The following TAFA1 variants were observed in gnomAD, a reference collection of about 807,000 sequenced individuals.
TAFA1 encodes the protein TAFA chemokine like family member 1, also known as chemokine-like protein TAFA-1.
Under a neutral mutation model 18.5 loss-of-function variants are expected in TAFA1, and 4 were observed. The observed-to-expected ratio is 0.22, with a 90% CI of 0.11 to 0.49. The LOEUF is 0.49. Ranked by LOEUF, TAFA1 falls within the 20% of genes least tolerant of loss-of-function variation. TAFA1 has a pLI of 0.98. For synonymous variants in TAFA1, 56 were observed against 55.2 expected, an observed-to-expected ratio of 1.01 and a Z score of -0.06; for missense variants, 147 against 169.0, an observed-to-expected ratio of 0.87 and a Z score of 0.72.
At chr3:68,353,575 A>T (rs1388477397) in intron 2 of TAFA1, among the ~76,000 whole-genome samples, 3 of 152,154 alleles carry the variant, frequency 2.0e-5, no homozygotes, top group African/African-American at 4.8e-5. Flanking sequence ...TTTGCTATAT[A>T]ATCTGGCTGT....
At position 68,227,155 on chromosome 3, in the gene TAFA1, G is replaced by T. The variant is rs563553470; in HGVS notation, c.119-190125G>T. 2.1e-4 allele frequency among the ~76,000 whole-genome samples: 31 copies of T among 150,166 alleles called. No homozygotes were observed. In the South Asian group the frequency reaches 2.1e-3, roughly 10 times the overall value. ...CATCTCAAAATGTCTGTTTTTTTTTGTTTTTTAACACAAGGCAAATATTTC... is the reference window on the plus strand; with the variant it reads ...CATCTCAAAATGTCTGTTTTTTTTTTTTTTTTAACACAAGGCAAATATTTC... On this transcript the variant is annotated intron_variant, in intron 2 of 4. Coordinates refer to ENST00000478136, the MANE Select transcript of TAFA1 (RefSeq NM_213609.4).
At chr3:68,469,529 T>A (rs2071955929) in intron 3 of TAFA1, among the ~76,000 whole-genome samples, 2 of 152,076 alleles carry the variant, frequency 1.3e-5, no homozygotes, top group South Asian at 4.2e-4. Context: ...AAAAATTAGC[T>A]GGGCGTGGTG....
intron 2 of TAFA1, among the ~76,000 whole-genome samples, chr3:68,020,185 T>C (rs1386712033): frequency 6.6e-6 from 1 of 152,226 alleles, no homozygotes; most frequent in African/African-American, 2.4e-5. Context: ...CCACGTAGCA[T>C]CTACTTACAT....
At chr3:68,112,045 A>T (rs1023484524) in intron 2 of TAFA1, among the ~76,000 whole-genome samples, 9 of 152,074 alleles carry the variant, frequency 5.9e-5, no homozygotes, top group Non-Finnish European at 1.5e-5. Flanking sequence ...TGTCCATTGC[A>T]TCTTGGTATC....
intron 2 of TAFA1, among the ~76,000 whole-genome samples, chr3:68,060,066 A>G (rs2064582397): frequency 6.6e-6 from 1 of 151,472 alleles, no homozygotes; most frequent in African/African-American, 2.4e-5. Flanking sequence ...AGGCTTACTG[A>G]AGGAAAAAAA....
chr3:68,172,331 C>A (rs62248262), intron 2 of TAFA1, among the ~76,000 whole-genome samples: 1 of 152,080 alleles, frequency 6.6e-6, no homozygotes, highest in Non-Finnish European at 1.5e-5. Flanking sequence ...AAAGGCAAAT[C>A]AAAACCACAC....
the TAFA1 span, among the ~76,000 whole-genome samples, chr3:67,993,654 C>T: frequency 6.6e-6 from 1 of 152,198 alleles, no homozygotes; most frequent in African/African-American, 2.4e-5. Context: ...AAGGGCTTTA[C>T]TGGCTGCCAT....
intron 2 of TAFA1, among the ~76,000 whole-genome samples, chr3:68,294,665 A>T (rs1415991216): frequency 6.6e-6 from 1 of 152,090 alleles, no homozygotes; most frequent in Non-Finnish European, 1.5e-5. Flanking sequence ...TGGGCAAATG[A>T]CTTGAGCCCA....
intron 2 of TAFA1, among the ~76,000 whole-genome samples, chr3:68,210,185 A>G (rs2066578509): frequency 6.6e-6 from 1 of 152,046 alleles, no homozygotes; most frequent in South Asian, 2.1e-4. Context: ...TTCAGTTATC[A>G]AAACCTGAAG....
chr3:68,055,379 A>G (rs1048270658), intron 2 of TAFA1, among the ~76,000 whole-genome samples: 1 of 152,062 alleles, frequency 6.6e-6, no homozygotes, highest in African/African-American at 2.4e-5. Context: ...AATAAACTCC[A>G]TTACCCAGCA....
chr3:68,397,071 A>G (rs543678055), intron 2 of TAFA1, among the ~76,000 whole-genome samples: 60 of 152,248 alleles, frequency 3.9e-4, no homozygotes, highest in South Asian at 3.3e-3. Context: ...AAACAAAACT[A>G]TGGAGGAAAA....
intron 2 of TAFA1, among the ~76,000 whole-genome samples, chr3:68,380,336 T>C (rs1408455279): frequency 2.6e-5 from 4 of 152,180 alleles, no homozygotes; most frequent in African/African-American, 9.7e-5. Flanking sequence ...CCCTGAGGAA[T>C]TGGCACACCG....
intron 2 of TAFA1, among the ~76,000 whole-genome samples, chr3:68,044,570 A>G (rs1027751509): frequency 6.6e-6 from 1 of 152,210 alleles, no homozygotes; most frequent in Non-Finnish European, 1.5e-5. Flanking sequence ...TGGTTTAAGG[A>G]AACAGATATA....
At chr3:68,138,760 A>G (rs6776172) in intron 2 of TAFA1, among the ~76,000 whole-genome samples, 36,546 of 152,192 alleles carry the variant, frequency 0.24, 4,481 homozygotes, top group East Asian at 0.43. Flanking sequence ...AACTGAGCAC[A>G]TGGTGTGTAT....
chr3:68,331,456 A>G lies in TAFA1; in HGVS notation c.119-85824A>G, dbSNP rs140365181. Among the ~76,000 whole-genome samples, 9 of 152,348 alleles carry G rather than the reference A, an allele frequency of 5.9e-5. No homozygotes were observed. The East Asian group carries it at 1.7e-3, about 29-fold the overall frequency. On this transcript the variant is annotated intron_variant, in intron 2 of 4. Coordinates refer to ENST00000478136, the MANE Select transcript of TAFA1 (RefSeq NM_213609.4). ...ATATTGTATAGTTCAGGCATATAGT[A>G]GATACTTGAAAAATATTTAATAAAT...
At chr3:68,406,425 T>A (rs1463388961) in intron 2 of TAFA1, among the ~76,000 whole-genome samples, 1 of 152,172 alleles carries the variant, frequency 6.6e-6, no homozygotes, top group African/African-American at 2.4e-5. Context: ...ACATAGCTAT[T>A]TTTCTAAGCC....
intron 2 of TAFA1, among the ~76,000 whole-genome samples, chr3:68,278,337 A>G (rs1019898019): frequency 3.3e-5 from 5 of 152,192 alleles, no homozygotes; most frequent in African/African-American, 1.2e-4. Flanking sequence ...AACAAATAAT[A>G]TAAACTAAGA....
chr3:68,370,349 TATATAC>T (rs1469803062), intron 2 of TAFA1, among the ~76,000 whole-genome samples: 4 of 61,074 alleles, frequency 6.5e-5, no homozygotes, highest in African/African-American at 2.1e-4. Flanking sequence ...TATATATATA[TATATAC>T]ACACACACAC....
At chr3:68,093,480 T>G (rs1037889595) in intron 2 of TAFA1, among the ~76,000 whole-genome samples, 1 of 152,284 alleles carries the variant, frequency 6.6e-6, no homozygotes, top group Non-Finnish European at 1.5e-5. Flanking sequence ...CTACTATTTA[T>G]TGTGCCTAAG....
Sources: gnomAD v4.1 joint callset for allele counts (sites outside exome capture counted in the v4.1 genomes callset) on GRCh38, gnomAD v4.1.1 for gene constraint, MANE v1.5 for transcripts, NCBI Gene and HGNC (gene_info 2026-07-23, HGNC 2026-07-21) for gene names.